FAM171A1: variants seen among roughly 807,000 people sequenced by gnomAD.
FAM171A1 encodes the protein protein FAM171A1.
A neutral mutation model predicts 74.9 loss-of-function variants in FAM171A1; 23 were observed. That is an observed-to-expected ratio of 0.31 (90% CI 0.22 to 0.44). FAM171A1 has a LOEUF of 0.44. Ranked by LOEUF, FAM171A1 falls within the 20% of genes least tolerant of loss-of-function variation. FAM171A1 has a pLI of 1.00. For missense variants in FAM171A1, 1,162 were observed against 1,159.2 expected (o/e 1.00, Z -0.03); for synonymous variants, 527 against 505.7 (o/e 1.04, Z -0.57).
At chr10:15,327,154 G>C (rs1835565597) in intron 1 of FAM171A1, among the ~76,000 whole-genome samples, 1 of 152,098 alleles carries the variant, frequency 6.6e-6, no homozygotes, top group Non-Finnish European at 1.5e-5. Context: ...AACAGCTCTG[G>C]AGTCAGACTA....
chr10:15,370,820 C>G (rs1388324581), intron 1 of FAM171A1, 136 bp downstream of exon 1: 11 of 224,614 alleles, frequency 4.9e-5, no homozygotes, highest in Middle Eastern at 2.2e-3. Flanking sequence ...GCTGCAGGCC[C>G]GGAGGCTCCC....
chr10:15,275,471 A>AT (rs1476253291), intron 3 of FAM171A1, among the ~76,000 whole-genome samples: 2 of 147,646 alleles, frequency 1.4e-5, no homozygotes, highest in Non-Finnish European at 3.0e-5. Context: ...TTTTTTTTGT[A>AT]TTTTTAGTAG....
At chr10:15,343,396 A>G (rs11259617) in intron 1 of FAM171A1, among the ~76,000 whole-genome samples, 68,657 of 151,922 alleles carry the variant, frequency 0.45, 15,635 homozygotes, top group Non-Finnish European at 0.49. Flanking sequence ...GACGTGCACC[A>G]GCTATTGCAA....
Position 15,214,271 on chromosome 10 carries a change from T to C in FAM171A1, c.1317A>G (p.Lys439=). 1.2e-6 allele frequency: 2 copies of C among 1,613,980 alleles called. No individual in the cohort carries two copies. Among genetic ancestry groups the C allele is most frequent in the South Asian group, 1.1e-5 (1 of 91,048 alleles). ...EELLSCKEED[K]SQISFDNLTP... The stretch of plus-strand genomic sequence containing the variant: ...TGAGGTTATCAAAGGAGATCTGGCT[T>C]TTATCCTCTTCCTTGCAAGAGAGGA... Residue 439 remains lysine (K), a synonymous_variant, in exon 8 of 8, where the codon AAA becomes AAG. Transcript: ENST00000378116.
In FAM171A1 at chr10:15,213,396, C is replaced by A. The variant is rs774724707; in HGVS notation, c.2192G>T (p.Gly731Val). 11 of 1,614,164 alleles carry A rather than the reference C, an allele frequency of 6.8e-6. No homozygotes were observed. In the South Asian group the frequency reaches 1.2e-4, roughly 18 times the overall value. Residue 731 changes from glycine (G) to valine (V), a missense_variant, in exon 8 of 8, where the codon GGA becomes GTA. Transcript: ENST00000378116. The surrounding 1 kb of genome is among the most constrained non-coding windows in gnomAD (Gnocchi z 6.8). ...ACTGGCATCATTACTTCCGTTCCTT[C>A]CAGCTCTTTGGAGATCAATGTATGA... ...RHSYIDLQRAGRNGSNDASLD... is the reference protein window; with the variant it reads ...RHSYIDLQRAVRNGSNDASLD...
chr10:15,307,204 T>G (rs1476692153), intron 1 of FAM171A1, among the ~76,000 whole-genome samples: 2 of 152,172 alleles, frequency 1.3e-5, no homozygotes, highest in African/African-American at 4.8e-5. Flanking sequence ...AAATTCCCAT[T>G]TGCTTGCAGG....
At chr10:15,327,628 G>A in intron 1 of FAM171A1, among the ~76,000 whole-genome samples, 1 of 152,064 alleles carries the variant, frequency 6.6e-6, no homozygotes, top group Admixed American at 6.6e-5. Context: ...TCTAGCCTGG[G>A]AGACAAAACA....
chr10:15,255,358 A>G (rs1834565455), intron 3 of FAM171A1, among the ~76,000 whole-genome samples: 1 of 152,222 alleles, frequency 6.6e-6, no homozygotes, highest in Non-Finnish European at 1.5e-5. Flanking sequence ...AAGGGAATTA[A>G]CAGTGCAACC....
chr10:15,263,720 A>AATCTATCTATCTATCT (rs199543212), intron 3 of FAM171A1, among the ~76,000 whole-genome samples: 43 of 140,448 alleles, frequency 3.1e-4, no homozygotes, highest in Non-Finnish European at 5.8e-4. Flanking sequence ...CTATCCTATC[A>AATCTATCTATCTATCT]ATCTATCTAT....
intron 3 of FAM171A1, among the ~76,000 whole-genome samples, chr10:15,255,376 G>T (rs1051931160): frequency 6.6e-6 from 1 of 152,190 alleles, no homozygotes; most frequent in African/African-American, 2.4e-5. Context: ...ACCTTGAAAA[G>T]AATTGCAAAC....
At chr10:15,252,986 A>G (rs1379486530) in intron 4 of FAM171A1, among the ~76,000 whole-genome samples, 5 of 152,046 alleles carry the variant, frequency 3.3e-5, no homozygotes, top group Non-Finnish European at 5.9e-5. Flanking sequence ...GATGCTGGCT[A>G]TGATATTTTA....
intron 3 of FAM171A1, among the ~76,000 whole-genome samples, chr10:15,269,747 A>G (rs148241436): frequency 1.0e-3 from 158 of 152,318 alleles, no homozygotes; most frequent in African/African-American, 3.6e-3. Context: ...TTGGAGAGGA[A>G]AGGGATGGTG....
chr10:15,368,584 G>C (rs972232511), intron 1 of FAM171A1, among the ~76,000 whole-genome samples: 22 of 152,196 alleles, frequency 1.4e-4, no homozygotes, highest in African/African-American at 5.3e-4. Context: ...TTCTTAAAAT[G>C]CAAGCCAATG....
intron 1 of FAM171A1, among the ~76,000 whole-genome samples, chr10:15,319,580 G>A (rs1169581900): frequency 6.6e-6 from 1 of 152,144 alleles, no homozygotes; most frequent in Non-Finnish European, 1.5e-5. Flanking sequence ...TTATAGGCAT[G>A]CACAACCACA....
chr10:15,363,843 T>C (rs11259622), intron 1 of FAM171A1, among the ~76,000 whole-genome samples: 1 of 152,238 alleles, frequency 6.6e-6, no homozygotes, highest in Non-Finnish European at 1.5e-5. Flanking sequence ...CTCCCTCTAT[T>C]CCCCAACAGA....
intron 1 of FAM171A1, among the ~76,000 whole-genome samples, chr10:15,289,371 G>C (rs1835077091): frequency 6.6e-6 from 1 of 152,150 alleles, no homozygotes; most frequent in African/African-American, 2.4e-5. Flanking sequence ...GGACCCCGCT[G>C]AGTTGGTCAC....
At chr10:15,321,909 TATA>T (rs1160944027) in intron 1 of FAM171A1, among the ~76,000 whole-genome samples, 3 of 152,246 alleles carry the variant, frequency 2.0e-5, no homozygotes, top group African/African-American at 7.2e-5. Context: ...GTTTTTATCT[TATA>T]ATATTTGTCA....
chr10:15,277,639 C>A (rs762818867), intron 2 of FAM171A1, among the ~76,000 whole-genome samples: 1 of 152,238 alleles, frequency 6.6e-6, no homozygotes, highest in Non-Finnish European at 1.5e-5. Context: ...ACGATTTGAA[C>A]TCTGGAGTTC....
intron 3 of FAM171A1, among the ~76,000 whole-genome samples, chr10:15,265,818 C>T (rs140549025): frequency 2.6e-5 from 4 of 152,060 alleles, no homozygotes; most frequent in South Asian, 2.1e-4. Flanking sequence ...AAGGTGTACT[C>T]CCAAATATGG....
Sources: gnomAD v4.1 joint callset for allele counts (sites outside exome capture counted in the v4.1 genomes callset) on GRCh38, gnomAD v4.1.1 for gene constraint, Gnocchi (gnomAD v3.1) non-coding constraint, MANE v1.5 for transcripts, NCBI Gene and HGNC (gene_info 2026-07-23, HGNC 2026-07-21) for gene names.